Variants in BMPER observed in about 807,000 individuals in gnomAD.
BMPER encodes BMP binding endothelial regulator, also known as BMP-binding endothelial regulator protein.
BMPER carries 45 observed loss-of-function variants against 87.3 expected under a neutral mutation model. The ratio of observed to expected loss-of-function variants is 0.52; its 90% CI spans 0.41 to 0.66. The LOEUF (loss-of-function observed/expected upper bound fraction) is 0.66. BMPER is among the 30% of genes least tolerant of loss of function. The pLI is 0.00. For synonymous variants in BMPER, 326 were observed against 316.2 expected, an observed-to-expected ratio of 1.03 and a Z score of -0.33; for missense variants, 784 against 867.5, an observed-to-expected ratio of 0.90 and a Z score of 1.21.
intron 10 of BMPER, 101 bp downstream of exon 10, chr7:34,058,264 C>T (rs1054899570): frequency 1.2e-5 from 13 of 1,117,434 alleles, no homozygotes; most frequent in African/African-American, 3.1e-5. Context: ...TCCAGCTCCC[C>T]CAAAGCCTCT....
chr7:34,089,762 G>A (rs1266819039), intron 13 of BMPER, among the ~76,000 whole-genome samples: 1 of 152,146 alleles, frequency 6.6e-6, no homozygotes, highest in East Asian at 1.9e-4. Context: ...GGGATTACAG[G>A]TGTGAGCCAC....
intron 6 of BMPER, among the ~76,000 whole-genome samples, chr7:33,992,316 A>G (rs1040127629): frequency 1.5e-3 from 202 of 137,782 alleles, no homozygotes; most frequent in African/African-American, 5.2e-3. Context: ...TTGGGTGCAT[A>G]TATATTTAGG....
Position 34,037,195 on chromosome 7 carries a change from T to C in BMPER, c.577-9111T>C, listed in dbSNP as rs369325480. ...TAGCCTGGGTGAGAGAGACAAGTTGTCTCTTAAAAACAAACAAACAAAAAA... is the reference window on the plus strand; with the variant it reads ...TAGCCTGGGTGAGAGAGACAAGTTGCCTCTTAAAAACAAACAAACAAAAAA... On this transcript the variant is annotated intron_variant, in intron 6 of 14. Coordinates refer to ENST00000649409, the MANE Select transcript of BMPER (RefSeq NM_001365308.1). Among the ~76,000 whole-genome samples, 66 of 152,154 alleles carry C rather than the reference T, an allele frequency of 4.3e-4. No homozygotes were observed. In the Middle Eastern group the frequency reaches 0.014, roughly 31 times the overall value.
intron 6 of BMPER, among the ~76,000 whole-genome samples, chr7:33,983,241 AT>A (rs1332221734): frequency 5.5e-4 from 84 of 152,214 alleles, no homozygotes; most frequent in African/African-American, 2.0e-3. Flanking sequence ...GTATGTTTTT[AT>A]TTTAATGGCT....
intron 12 of BMPER, among the ~76,000 whole-genome samples, chr7:34,082,211 C>T (rs771097668): frequency 6.6e-5 from 10 of 152,130 alleles, no homozygotes; most frequent in Non-Finnish European, 1.2e-4. Flanking sequence ...GAAACTCATC[C>T]CAGCTGCAGG....
chr7:34,075,843 C>T (rs1585805328), intron 11 of BMPER, among the ~76,000 whole-genome samples: 1 of 152,232 alleles, frequency 6.6e-6, no homozygotes, highest in African/African-American at 2.4e-5. Context: ...AGAATTCTCA[C>T]TTGCAGACAC....
In BMPER at chr7:34,046,366, A is replaced by G; in HGVS notation, c.637A>G (p.Ser213Gly). 11 of 1,614,052 alleles carry G rather than the reference A, an allele frequency of 6.8e-6. No individual in the cohort carries two copies. Among genetic ancestry groups the G allele is most frequent in the South Asian group, 1.1e-5 (1 of 91,072 alleles). ...CATTCTCTCCTGTCCCCAGCACCTT[A>G]GTCACATACCCCCAGGACAGTGCTG... ...CPILSCPQHLSHIPPGQCCPK... is the reference protein window; with the variant it reads ...CPILSCPQHLGHIPPGQCCPK... Residue 213 changes from serine (S) to glycine (G), a missense_variant, in exon 7 of 15, where the codon AGT becomes GGT. Coordinates refer to ENST00000649409, the MANE Select transcript of BMPER (RefSeq NM_001365308.1).
intron 6 of BMPER, chr7:34,042,574 A>G (rs1015537691): frequency 6.6e-6 from 1 of 152,220 alleles, no homozygotes; most frequent in African/African-American, 2.4e-5. Context: ...TAGAATGTGT[A>G]AAACCCAATA....
chr7:34,076,144 A>T (rs945435902), intron 11 of BMPER, among the ~76,000 whole-genome samples: 2 of 152,082 alleles, frequency 1.3e-5, no homozygotes, highest in Non-Finnish European at 2.9e-5. Context: ...CCTTGCCCAG[A>T]GTCTCCCTGG....
chr7:34,042,725 T>G (rs1475650550), intron 6 of BMPER: 1 of 152,210 alleles, frequency 6.6e-6, no homozygotes, highest in Non-Finnish European at 1.5e-5. Flanking sequence ...TTTCATTCAC[T>G]AATTTTTTAT....
intron 6 of BMPER, among the ~76,000 whole-genome samples, chr7:34,037,738 CA>C (rs1486167100): frequency 6.6e-6 from 1 of 152,222 alleles, no homozygotes; most frequent in East Asian, 1.9e-4. Context: ...AGCTGTCCAT[CA>C]GCGCTTATAA....
intron 2 of BMPER, among the ~76,000 whole-genome samples, chr7:33,910,177 C>T (rs779715417): frequency 6.6e-6 from 1 of 152,156 alleles, no homozygotes; most frequent in Non-Finnish European, 1.5e-5. Flanking sequence ...ATTGTTTAGT[C>T]AGAAAGCAAA....
chr7:34,096,227 C>T (rs556851850), intron 13 of BMPER, among the ~76,000 whole-genome samples: 11 of 152,162 alleles, frequency 7.2e-5, no homozygotes, highest in Admixed American at 6.5e-4. Flanking sequence ...AGGCCACATA[C>T]AGATTGGTTG....
chr7:33,908,500 A>G (rs1218275955), intron 2 of BMPER, among the ~76,000 whole-genome samples: 1 of 152,190 alleles, frequency 6.6e-6, no homozygotes, highest in East Asian at 1.9e-4. Flanking sequence ...TTTCTCTGAA[A>G]GTGGAGACTT....
intron 3 of BMPER, among the ~76,000 whole-genome samples, chr7:33,962,300 TCCAC>T (rs1785291991): frequency 6.6e-6 from 1 of 152,168 alleles, no homozygotes; most frequent in Non-Finnish European, 1.5e-5. Context: ...GGAGTTCTTT[TCCAC>T]CCTGAAAATA....
At chr7:34,071,520 C>T (rs977331330) in intron 11 of BMPER, among the ~76,000 whole-genome samples, 3 of 152,186 alleles carry the variant, frequency 2.0e-5, no homozygotes, top group Admixed American at 2.0e-4. Context: ...AAGCTGGAAG[C>T]CAGGTTAACT....
chr7:33,905,820 C>T, intron 1 of BMPER, 74 bp downstream of exon 1: 1 of 1,361,682 alleles, frequency 7.3e-7, no homozygotes, highest in Non-Finnish European at 1.0e-6. Flanking sequence ...CGCTGGCTTG[C>T]CCCGGGGATG....
chr7:33,993,938 C>T (rs1443830930), intron 6 of BMPER, among the ~76,000 whole-genome samples: 1 of 152,204 alleles, frequency 6.6e-6, no homozygotes. Flanking sequence ...GCTCGGGGGT[C>T]AGGGGTCAGG....
At chr7:33,918,493 T>G (rs1382475706) in intron 2 of BMPER, among the ~76,000 whole-genome samples, 1 of 152,182 alleles carries the variant, frequency 6.6e-6, no homozygotes, top group Non-Finnish European at 1.5e-5. Context: ...CCAGAGACAC[T>G]CACAGCCTGC....
Sources: gnomAD v4.1 joint callset for allele counts (sites outside exome capture counted in the v4.1 genomes callset) on GRCh38, gnomAD v4.1.1 for gene constraint, MANE v1.5 for transcripts, NCBI Gene and HGNC (gene_info 2026-07-23, HGNC 2026-07-21) for gene names.